TYW1: variants seen among roughly 807,000 people sequenced by gnomAD.
TYW1 encodes S-adenosyl-L-methionine-dependent tRNA 4-demethylwyosine synthase TYW1.
Under a neutral mutation model 96.2 loss-of-function variants are expected in TYW1, and 46 were observed. The observed-to-expected ratio is 0.48, with a 90% CI of 0.38 to 0.61. The LOEUF (loss-of-function observed/expected upper bound fraction) is 0.61. Among genes scored for constraint, TYW1 ranks in the 20% least tolerant of loss-of-function variants. The pLI is 0.00. For missense variants in TYW1, 684 were observed against 909.6 expected (o/e 0.75, Z 3.19); for synonymous variants, 274 against 323.0 (o/e 0.85, Z 1.63).
intron 4 of TYW1, among the ~76,000 whole-genome samples, chr7:67,012,892 T>A (rs1281850000): frequency 2.7e-5 from 4 of 145,548 alleles, no homozygotes; most frequent in African/African-American, 5.0e-5. Flanking sequence ...TATGCAGATT[T>A]AAAAAAAAAA....
intron 6 of TYW1, 27 bp downstream of exon 6, chr7:67,018,170 G>A (rs757893736): frequency 3.1e-6 from 5 of 1,597,570 alleles, no homozygotes; most frequent in South Asian, 1.1e-5. Context: ...TTCATCTCTC[G>A]AGGCTTTCCT....
chr7:67,190,118 G>A (rs1157402060), intron 14 of TYW1, among the ~76,000 whole-genome samples: 1 of 152,098 alleles, frequency 6.6e-6, no homozygotes, highest in Non-Finnish European at 1.5e-5. Flanking sequence ...CTAGCTGTGT[G>A]TAGTGCTCAA....
intron 15 of TYW1, among the ~76,000 whole-genome samples, chr7:67,207,553 T>C (rs930592373): frequency 2.0e-5 from 3 of 152,174 alleles, no homozygotes; most frequent in African/African-American, 7.2e-5. Context: ...GTCATCCCTA[T>C]CTACTGTACT....
chr7:67,101,105 T>C (rs892934608), intron 12 of TYW1, among the ~76,000 whole-genome samples: 2 of 152,146 alleles, frequency 1.3e-5, no homozygotes, highest in Non-Finnish European at 2.9e-5. Context: ...TACCTCTTTC[T>C]GCAGCCGCAG....
intron 13 of TYW1, among the ~76,000 whole-genome samples, chr7:67,169,051 T>A (rs1293135714): frequency 1.3e-5 from 2 of 152,174 alleles, no homozygotes; most frequent in African/African-American, 4.8e-5. Context: ...TCTTGTTAAA[T>A]TTTTTTACAA....
At position 67,238,705 on chromosome 7, in the gene TYW1, G is replaced by T. The variant is rs578241449; in HGVS notation, c.*176G>T. 17 of 1,429,920 alleles carry T rather than the reference G, an allele frequency of 1.2e-5. No individual in the cohort carries two copies. The East Asian group carries it at 4.3e-4, about 36-fold the overall frequency. 88.6% of individuals were successfully genotyped at this position (1,429,920 alleles called of 1,614,324 possible). ...CAGCGTCCACACTCAGAGGGCCTGG[G>T]CCACAGCCCCGATGTTTCTTTTCAG... On this transcript the variant is annotated 3_prime_UTR_variant, in exon 16 of 16. Transcript: ENST00000359626.
intron 13 of TYW1, among the ~76,000 whole-genome samples, chr7:67,169,730 C>T (rs144869391): frequency 0.092 from 13,967 of 152,166 alleles, 753 homozygotes; most frequent in Middle Eastern, 0.14. Context: ...GAATACTATT[C>T]TCTTGGATGG....
At position 67,224,799 on chromosome 7, in the gene TYW1, A is replaced by C. The variant is rs1801505629; in HGVS notation, c.1978-13509A>C. Among the ~76,000 whole-genome samples the C allele has an allele frequency of 2.0e-5, 3 of 152,338 alleles. No homozygotes were observed. In the South Asian group the frequency reaches 6.2e-4, roughly 32 times the overall value. On this transcript the variant is annotated intron_variant, in intron 15 of 15. Transcript: ENST00000359626. ...ATTTATTAAGGTTACCGTGGTGAGC[A>C]CTATACATGCCATAACTCATTTAAT...
chr7:67,231,832 G>A (rs990543887), intron 15 of TYW1, among the ~76,000 whole-genome samples: 3 of 143,302 alleles, frequency 2.1e-5, no homozygotes, highest in African/African-American at 8.0e-5. Context: ...TTATTTCAAT[G>A]AATATATCCT....
chr7:67,100,048 A>G (rs1797040379), intron 12 of TYW1, among the ~76,000 whole-genome samples: 1 of 152,050 alleles, frequency 6.6e-6, no homozygotes, highest in Non-Finnish European at 1.5e-5. Flanking sequence ...ATGATTGGCA[A>G]ACTGCTTGTA....
At chr7:67,112,100 C>CAAAAAAA (rs538839042) in intron 12 of TYW1, among the ~76,000 whole-genome samples, 487 of 94,088 alleles carry the variant, frequency 5.2e-3, no homozygotes, top group Non-Finnish European at 6.5e-3. Flanking sequence ...CTCTGTCTGA[C>CAAAAAAA]AAAAAAAAAA....
At chr7:67,024,410 T>G (rs1003303486) in intron 6 of TYW1, among the ~76,000 whole-genome samples, 4 of 152,118 alleles carry the variant, frequency 2.6e-5, no homozygotes, top group African/African-American at 9.7e-5. Context: ...TTCAAAGTCC[T>G]CCCATCTTGG....
intron 14 of TYW1, among the ~76,000 whole-genome samples, chr7:67,189,305 G>T (rs1180223522): frequency 7.2e-6 from 1 of 137,998 alleles, no homozygotes; most frequent in Non-Finnish European, 1.6e-5. Context: ...TATGTGTGTG[G>T]TGTGTGTGCA....
At chr7:67,096,010 G>A (rs1380841821) in intron 11 of TYW1, among the ~76,000 whole-genome samples, 2 of 152,290 alleles carry the variant, frequency 1.3e-5, no homozygotes, top group East Asian at 1.9e-4. Context: ...CTCCGCTAAG[G>A]CCTTTACATG....
intron 9 of TYW1, among the ~76,000 whole-genome samples, chr7:67,062,575 A>AAAAAAAAAAAAG (rs1447932128): frequency 1.3e-5 from 2 of 150,954 alleles, no homozygotes; most frequent in African/African-American, 4.9e-5. Context: ...TCAAAAAAAA[A>AAAAAAAAAAAAG]AAAAAAGAAA....
In TYW1 at chr7:67,060,417, A is replaced by G. The variant is rs75645754; in HGVS notation, c.1155+4530A>G. The stretch of plus-strand genomic sequence containing the variant: ...AGGGAAAATAAAAGGTAAACTTAAT[A>G]TGACAATGTCAGTTTGCATAATGGC... On this transcript the variant is annotated intron_variant, in intron 9 of 15. Transcript: ENST00000359626. Among the ~76,000 whole-genome samples the G allele has an allele frequency of 1.6e-3, 243 of 152,348 alleles. 1 individual carries two copies. Among genetic ancestry groups the G allele is most frequent in the African/African-American group, 5.5e-3 (230 of 41,590 alleles).
intron 15 of TYW1, among the ~76,000 whole-genome samples, chr7:67,235,720 T>C (rs1801862886): frequency 6.6e-6 from 1 of 151,794 alleles, no homozygotes; most frequent in African/African-American, 2.4e-5. Context: ...TAAAACACTG[T>C]GTCTACTGAA....
At chr7:67,160,002 A>G (rs1799110943) in intron 13 of TYW1, among the ~76,000 whole-genome samples, 1 of 151,914 alleles carries the variant, frequency 6.6e-6, no homozygotes, top group African/African-American at 2.4e-5. Flanking sequence ...ATGGGGTATC[A>G]CTGTGTTAGC....
intron 7 of TYW1, among the ~76,000 whole-genome samples, chr7:67,044,120 T>TG (rs1184343921): frequency 7.1e-6 from 1 of 140,670 alleles, no homozygotes; most frequent in African/African-American, 2.6e-5. Context: ...AGTTTTTTTT[T>TG]TTTTTTTTTT....
Sources: gnomAD v4.1 joint callset for allele counts (sites outside exome capture counted in the v4.1 genomes callset) on GRCh38, gnomAD v4.1.1 for gene constraint, MANE v1.5 for transcripts, NCBI Gene and HGNC (gene_info 2026-07-23, HGNC 2026-07-21) for gene names.